The following SPRY4 variants were observed in gnomAD, a reference collection of about 807,000 sequenced individuals.
SPRY4 encodes the protein sprouty RTK signaling antagonist 4.
A neutral mutation model predicts 17.0 loss-of-function variants in SPRY4; 7 were observed. The observed-to-expected ratio is 0.41, with a 90% CI of 0.23 to 0.77. The LOEUF (loss-of-function observed/expected upper bound fraction) is 0.77, where lower values mean the gene tolerates loss of function less well. Ranked by LOEUF, SPRY4 falls within the 30% of genes least tolerant of loss-of-function variation. SPRY4 has a pLI of 0.32. For synonymous variants in SPRY4, 183 were observed against 174.1 expected, an observed-to-expected ratio of 1.05 and a Z score of -0.40; for missense variants, 435 against 419.9, an observed-to-expected ratio of 1.04 and a Z score of -0.31.
In SPRY4 at chr5:142,314,925, T is replaced by C. The variant is rs977529367; in HGVS notation, c.184A>G (p.Thr62Ala). The change falls in exon 2 of 2, where the codon ACC (threonine) becomes GCC (alanine). Residue 62 changes from threonine to alanine, a missense_variant. Thr to Ala is a moderately conservative substitution (Grantham distance 58). Coordinates refer to ENST00000434127, the MANE Select transcript of SPRY4 (RefSeq NM_001127496.3). The surrounding 1 kb of genome is among the most constrained non-coding windows in gnomAD (Gnocchi z 4.8). ...CCGCCCCGGGTCCGCTTTGGGCCGG[T>C]GGTCAGGGCCAGGCTAGGGTTGTCT... ...YIDNPSLALT[T>A]GPKRTRGGAP... The C allele has an allele frequency of 2.5e-6, 4 of 1,612,312 alleles. No homozygotes were observed. The highest frequency in any genetic ancestry group is 3.3e-5 in the Admixed American group (2 of 59,960).
Position 142,314,671 on chromosome 5 carries a change from C to A in SPRY4, c.438G>T (p.Pro146=). The A allele has an allele frequency of 6.2e-7, 1 of 1,614,230 alleles. No homozygotes were observed. Among genetic ancestry groups the A allele is most frequent in the Non-Finnish European group, 8.5e-7 (1 of 1,180,034 alleles). ...VHCQPLDLKG[P]AVPPELDKHF... ...GCTTGTCCAGCTCGGGTGGGACCGC[C>A]GGGCCCTTGAGGTCCAGCGGCTGGC... is the stretch of plus-strand genomic sequence containing the variant. The change falls in exon 2 of 2, where the codon CCG becomes CCT. Residue 146 remains proline (P), a synonymous_variant. Transcript: ENST00000434127. This position sits in a 1 kb window ranked among gnomAD's most constrained non-coding sequence, Gnocchi z 4.8.
In SPRY4 at chr5:142,314,545, G is replaced by GCT; in HGVS notation, c.563_564insAG (p.Cys188Ter). The GCT allele has an allele frequency of 6.2e-7, 1 of 1,614,254 alleles. No individual in the cohort carries two copies. ...CATAGTTGACCAGAGTCTGGGCTGA[G>GCT]CACAGGCACTCCTGGTTGCAGACCC... is the stretch of plus-strand genomic sequence containing the variant. Reference protein sequence around the residue: ...SCWVCNQECLCSAQTLVNYGT... With the variant: ...SCWVCNQECL Residue 188 changes from cysteine to a stop codon, truncating the protein, a stop_gained and frameshift_variant, in exon 2 of 2, where the codon TGC (cysteine) becomes TGAGC (stop). Coordinates refer to ENST00000434127, the MANE Select transcript of SPRY4 (RefSeq NM_001127496.3). LOFTEE classifies it high-confidence loss of function. This position sits in a 1 kb window ranked among gnomAD's most constrained non-coding sequence, Gnocchi z 4.8.
At position 142,312,240 on chromosome 5, in the gene SPRY4, T is replaced by G. The variant is rs1758947838; in HGVS notation, c.*1969A>C. 6.6e-6 allele frequency: 1 copy of G among 152,620 alleles called. No homozygotes were observed. The highest frequency in any genetic ancestry group is 2.4e-5 in the African/African-American group (1 of 41,446). 9.5% of individuals were successfully genotyped at this position (152,620 alleles called of 1,614,324 possible). On this transcript the variant is annotated 3_prime_UTR_variant, in exon 2 of 2. Coordinates refer to ENST00000434127, the MANE Select transcript of SPRY4 (RefSeq NM_001127496.3). ...ATGTGTGTTTTTTTCTACCACTCCT[T>G]CTGAAATGTTCAAGAACATCCATAC...
intron 1 of SPRY4, among the ~76,000 whole-genome samples, chr5:142,316,648 A>C (rs574201981): frequency 6.6e-6 from 1 of 152,338 alleles, no homozygotes; most frequent in East Asian, 1.9e-4. Context: ...CAAGATGCTA[A>C]CGATGTTCTA....
At position 142,311,338 on chromosome 5, in the gene SPRY4, A is replaced by ACC. The variant is rs1159198430; in HGVS notation, c.*2869_*2870dup. The ACC allele has an allele frequency of 6.6e-6, 1 of 151,900 alleles. No homozygotes were observed. The highest frequency in any genetic ancestry group is 1.5e-5 in the Non-Finnish European group (1 of 68,028). 9.4% of individuals were successfully genotyped at this position (151,900 alleles called of 1,614,324 possible). On this transcript the variant is annotated 3_prime_UTR_variant, in exon 2 of 2. Transcript: ENST00000434127. ...CAGGTGCCCCTCGAGTTAAGACAGA[A>ACC]CCCCCACCTACCCCAGGTTTACCAG... is the stretch of plus-strand genomic sequence containing the variant.
At position 142,311,853 on chromosome 5, in the gene SPRY4, T is replaced by G. The variant is rs2126980720; in HGVS notation, c.*2356A>C. On this transcript the variant is annotated 3_prime_UTR_variant, in exon 2 of 2. Coordinates refer to ENST00000434127, the MANE Select transcript of SPRY4 (RefSeq NM_001127496.3). The stretch of plus-strand genomic sequence containing the variant: ...ACCCAGAAAAATCCGTGTTTACAAG[T>G]ATGTACACAAAAAGTCAGGGTTCAG... The G allele has an allele frequency of 6.6e-6, 1 of 152,208 alleles. No homozygotes were observed. The highest frequency in any genetic ancestry group is 3.4e-3 in the Middle Eastern group (1 of 294). 9.4% of individuals were successfully genotyped at this position (152,208 alleles called of 1,614,324 possible).
chr5:142,318,108 G>A (rs2126994794), intron 1 of SPRY4: 1 of 984,964 alleles, frequency 1.0e-6, no homozygotes, highest in South Asian at 4.7e-5. Flanking sequence ...GGCTGACAAA[G>A]GAAAACAATT....
At chr5:142,324,382 G>A (rs951977762) in intron 1 of SPRY4, 1 of 152,330 alleles carries the variant, frequency 6.6e-6, no homozygotes, top group South Asian at 2.1e-4. Context: ...GGAGATACAC[G>A]GCAAAGCTGG....
Position 142,314,016 on chromosome 5 carries a change from G to T in SPRY4, c.*193C>A. The T allele has an allele frequency of 1.6e-6, 1 of 622,574 alleles. No individual in the cohort carries two copies. The highest frequency in any genetic ancestry group is 2.8e-5 in the East Asian group (1 of 36,094). The allele number at this position is 622,574 out of a possible 1,614,324, so 38.6% of individuals were successfully genotyped here. A position where few individuals can be genotyped will look rare whatever the true frequency, so the allele number is the denominator to read the frequency against. On this transcript the variant is annotated 3_prime_UTR_variant, in exon 2 of 2. Coordinates refer to ENST00000434127, the MANE Select transcript of SPRY4 (RefSeq NM_001127496.3). This position sits in a 1 kb window ranked among gnomAD's most constrained non-coding sequence, Gnocchi z 4.8. ...GGACCCTGAAAAAAAGCCCCAAAGT[G>T]CTTCTTCATCACCTTGGGGAATACA...
chr5:142,324,297 G>A (rs1759458114), intron 1 of SPRY4: 2 of 152,348 alleles, frequency 1.3e-5, no homozygotes, highest in South Asian at 2.1e-4. Flanking sequence ...GGCAGAAGGG[G>A]AGGGAATTCA....
At chr5:142,317,773 G>T (rs1214372088) in intron 1 of SPRY4, 2 of 985,256 alleles carry the variant, frequency 2.0e-6, no homozygotes, top group Non-Finnish European at 2.4e-6. Flanking sequence ...CAGGAAGCCA[G>T]GATGGGAGCA....
At chr5:142,324,662 G>C (rs1353682099) in intron 1 of SPRY4, among the ~76,000 whole-genome samples, 182 bp downstream of exon 1, 2 of 152,214 alleles carry the variant, frequency 1.3e-5, no homozygotes, top group Admixed American at 1.3e-4. Flanking sequence ...GCGCCGTGCC[G>C]GCCGGGCCGA....
chr5:142,318,208 G>A, intron 1 of SPRY4: 1 of 982,892 alleles, frequency 1.0e-6, no homozygotes. Context: ...AAGAAGGCCT[G>A]GCGCAGTGGC....
intron 1 of SPRY4, chr5:142,315,804 C>T (rs1437096458): frequency 6.6e-6 from 1 of 152,260 alleles, no homozygotes; most frequent in African/African-American, 2.4e-5. Context: ...CAATTTATCG[C>T]TACCCCAGGG....
At chr5:142,315,876 G>C (rs1759133272) in intron 1 of SPRY4, 1 of 152,170 alleles carries the variant, frequency 6.6e-6, no homozygotes, top group Non-Finnish European at 1.5e-5. Context: ...GCCAGGCACT[G>C]GGGACAATGT....
intron 1 of SPRY4, among the ~76,000 whole-genome samples, chr5:142,318,377 T>A (rs931016004): frequency 6.6e-6 from 1 of 151,780 alleles, no homozygotes; most frequent in Non-Finnish European, 1.5e-5. Flanking sequence ...TCCCAGTTAC[T>A]TGGGAGGCTG....
chr5:142,311,467 A>G lies in SPRY4; in HGVS notation c.*2742T>C, dbSNP rs1758906811. 6.6e-6 allele frequency: 1 copy of G among 152,344 alleles called. No individual in the cohort carries two copies. Among genetic ancestry groups the G allele is most frequent in the Admixed American group, 6.5e-5 (1 of 15,298 alleles). 9.4% of individuals were successfully genotyped at this position (152,344 alleles called of 1,614,324 possible). On this transcript the variant is annotated 3_prime_UTR_variant, in exon 2 of 2. Coordinates refer to ENST00000434127, the MANE Select transcript of SPRY4 (RefSeq NM_001127496.3). Reference sequence around the variant, plus strand: ...AACACACTCAGCCAGAAGCAGCTACACATGTGTGTTGTGTCTCTGAGTGCT... The same window carrying G: ...AACACACTCAGCCAGAAGCAGCTACGCATGTGTGTTGTGTCTCTGAGTGCT...
At chr5:142,319,862 A>G (rs895785677) in intron 1 of SPRY4, 2 of 1,344,860 alleles carry the variant, frequency 1.5e-6, no homozygotes, top group African/African-American at 3.0e-5. Context: ...CCACCCACCC[A>G]CACCCTCCCC....
At chr5:142,317,420 C>A (rs968636636) in intron 1 of SPRY4, 4 of 985,296 alleles carry the variant, frequency 4.1e-6, no homozygotes, top group Non-Finnish European at 3.6e-6. Context: ...CCAGAACCCT[C>A]ACCCCCGGAC....
Sources: allele counts gnomAD v4.1 joint callset (sites outside exome capture counted in the v4.1 genomes callset), GRCh38; gene constraint gnomAD v4.1.1; non-coding constraint Gnocchi (gnomAD v3.1); transcripts MANE v1.5; gene names NCBI Gene and HGNC (gene_info 2026-07-23, HGNC 2026-07-21).